Variants in CLASP1 observed in about 807,000 individuals in gnomAD.
The protein encoded by CLASP1 is CLIP-associating protein 1.
A neutral mutation model predicts 192.3 loss-of-function variants in CLASP1; 38 were observed. The observed-to-expected ratio is 0.20, with a 90% CI of 0.15 to 0.26. CLASP1 has a LOEUF of 0.26. CLASP1 is among the 10% of genes least tolerant of loss of function. The pLI, the probability that CLASP1 is intolerant of heterozygous loss-of-function variation, is 1.00. For synonymous variants in CLASP1, 691 were observed against 712.8 expected, an observed-to-expected ratio of 0.97 and a Z score of 0.49; for missense variants, 1,433 against 1,932.5, an observed-to-expected ratio of 0.74 and a Z score of 4.85.
intron 6 of CLASP1, among the ~76,000 whole-genome samples, chr2:121,520,373 C>T (rs1472117804): frequency 6.6e-6 from 1 of 152,190 alleles, no homozygotes; most frequent in Non-Finnish European, 1.5e-5. Context: ...GAACCCAGCA[C>T]AGCCCCACAG....
intron 2 of CLASP1, among the ~76,000 whole-genome samples, chr2:121,568,451 C>T (rs1046827876): frequency 1.2e-4 from 18 of 151,666 alleles, no homozygotes; most frequent in African/African-American, 3.1e-4. Context: ...GTATTCTAGA[C>T]GAGCAAAAGA....
rs368978184 is a variant in CLASP1 at position 121,649,361 on chromosome 2, C to T, written c.-286+11G>A. ...CGGGTCTGACCCTCCGCCCCCTGAC[C>T]GGGTACTTACAGCCCTGTTTTTCGT... On this transcript the variant is annotated intron_variant, in intron 1 of 39. Coordinates refer to ENST00000263710, the Ensembl canonical transcript of CLASP1. 9 of 151,944 alleles carry T rather than the reference C, an allele frequency of 5.9e-5. No individual in the cohort carries two copies. Among genetic ancestry groups the T allele is most frequent in the African/African-American group, 1.5e-4 (6 of 41,272 alleles). The allele number at this position is 151,944 out of a possible 1,614,324, so 9.4% of individuals were successfully genotyped here.
At chr2:121,390,310 G>A (rs2074117038) in intron 30 of CLASP1, among the ~76,000 whole-genome samples, 2 of 152,174 alleles carry the variant, frequency 1.3e-5, no homozygotes, top group Admixed American at 1.3e-4. Context: ...AGTGGAGTAC[G>A]CCACTGTTCT....
intron 2 of CLASP1, among the ~76,000 whole-genome samples, chr2:121,588,350 C>T (rs1300535941): frequency 6.6e-6 from 1 of 152,014 alleles, no homozygotes; most frequent in Non-Finnish European, 1.5e-5. Context: ...TCAAACTTCA[C>T]ATTTATACAG....
chr2:121,585,631 T>C (rs1421056761), intron 2 of CLASP1, among the ~76,000 whole-genome samples: 1 of 152,164 alleles, frequency 6.6e-6, no homozygotes, highest in Non-Finnish European at 1.5e-5. Flanking sequence ...CCAGGCATGG[T>C]GGCTACTGCC....
chr2:121,427,041 T>C (rs537698891), intron 21 of CLASP1, among the ~76,000 whole-genome samples: 2 of 151,802 alleles, frequency 1.3e-5, no homozygotes, highest in South Asian at 2.1e-4. Context: ...TAAAAATACA[T>C]ATTATATAAA....
intron 8 of CLASP1, among the ~76,000 whole-genome samples, chr2:121,488,265 C>T (rs1240645295): frequency 6.6e-6 from 1 of 152,206 alleles, no homozygotes; most frequent in African/African-American, 2.4e-5. Context: ...CTCAGTTCAA[C>T]CTTCATACCT....
chr2:121,553,692 T>A (rs2058254640), intron 2 of CLASP1, among the ~76,000 whole-genome samples: 1 of 151,828 alleles, frequency 6.6e-6, no homozygotes, highest in African/African-American at 2.4e-5. Flanking sequence ...AGAGCAAGAC[T>A]CTGTCTCAAA....
exon 39 of CLASP1, chr2:121,347,154 C>A: frequency 1.3e-6 from 2 of 1,560,820 alleles, no homozygotes; most frequent in South Asian, 1.2e-5. Context: ...TTGTCATAAC[C>A]CTAGAGAGCC....
chr2:121,590,898 C>T (rs1456998810), intron 2 of CLASP1, among the ~76,000 whole-genome samples: 8 of 145,138 alleles, frequency 5.5e-5, no homozygotes, highest in South Asian at 4.3e-4. Context: ...GATGGAGTCT[C>T]GCTCTGTTGC....
At chr2:121,414,088 T>C (rs2078171098) in intron 23 of CLASP1, among the ~76,000 whole-genome samples, 53 bp downstream of exon 24, 1 of 152,074 alleles carries the variant, frequency 6.6e-6, no homozygotes, top group East Asian at 1.9e-4. Flanking sequence ...TTGACATGGG[T>C]GTGAAACTAG....
chr2:121,459,402 CTTTTTCT>C (rs1313408838), intron 12 of CLASP1, among the ~76,000 whole-genome samples: 10 of 152,112 alleles, frequency 6.6e-5, no homozygotes, highest in South Asian at 6.2e-4. Flanking sequence ...CCCTTGGCTC[CTTTTTCT>C]TTTTTCTTTT....
intron 2 of CLASP1, 46 bp from the exon 3 acceptor site, chr2:121,530,371 G>T: frequency 6.8e-7 from 1 of 1,477,102 alleles, no homozygotes; most frequent in Non-Finnish European, 9.2e-7. Context: ...GGCCTGCGGG[G>T]CAGCGCTCCC....
rs187488372 is a variant in CLASP1, at chr2:121,406,251, G to A, written c.2669+1220C>T. ...TACTTTTTTGGTATGTGTAATACACGCTTATTTTAGAAAATTTATAAAACA... is the reference window on the plus strand; with the variant it reads ...TACTTTTTTGGTATGTGTAATACACACTTATTTTAGAAAATTTATAAAACA... On this transcript the variant is annotated intron_variant, in intron 25 of 39. Transcript: ENST00000263710. Among the ~76,000 whole-genome samples, 6 of 152,248 alleles carry A rather than the reference G, an allele frequency of 3.9e-5. No homozygotes were observed. The East Asian group carries it at 9.6e-4, about 24-fold the overall frequency.
intron 37 of CLASP1, among the ~76,000 whole-genome samples, chr2:121,362,227 A>T (rs2066549790): frequency 6.6e-6 from 1 of 152,200 alleles, no homozygotes; most frequent in South Asian, 2.1e-4. Context: ...GTTCCAATAT[A>T]TGAGTTTGTT....
At chr2:121,481,041 T>C (rs961861016) in intron 8 of CLASP1, among the ~76,000 whole-genome samples, 10 of 152,124 alleles carry the variant, frequency 6.6e-5, no homozygotes, top group African/African-American at 2.4e-4. Context: ...ACTCCCCTTC[T>C]CCCTTACACC....
intron 22 of CLASP1, among the ~76,000 whole-genome samples, chr2:121,421,729 G>C (rs1205950998): frequency 6.6e-6 from 1 of 152,104 alleles, no homozygotes; most frequent in African/African-American, 2.4e-5. Flanking sequence ...CTTTAATAGA[G>C]ATGGGGTTTT....
intron 1 of CLASP1, among the ~76,000 whole-genome samples, chr2:121,610,993 G>A (rs565896997): frequency 6.8e-6 from 1 of 147,308 alleles, no homozygotes; most frequent in Non-Finnish European, 1.5e-5. Context: ...GGAACTGGAG[G>A]AGGAGGAGTT....
chr2:121,425,352 G>A (rs988590517), intron 21 of CLASP1, 46 bp from the exon 22 acceptor site: 16 of 1,556,816 alleles, frequency 1.0e-5, no homozygotes, highest in Admixed American at 1.8e-5. Context: ...GTAAATGTAG[G>A]AATGAACTAT....
Sources: gnomAD v4.1 joint callset for allele counts (sites outside exome capture counted in the v4.1 genomes callset) on GRCh38, gnomAD v4.1.1 for gene constraint, MANE v1.5 for transcripts, NCBI Gene and HGNC (gene_info 2026-07-23, HGNC 2026-07-21) for gene names.